TBC1D5: variants seen among roughly 807,000 people sequenced by gnomAD.
The protein encoded by TBC1D5 is TBC1 domain family member 5.
Under a neutral mutation model 100.3 loss-of-function variants are expected in TBC1D5, and 75 were observed. The ratio of observed to expected loss-of-function variants is 0.75; its 90% confidence interval spans 0.62 to 0.91. The LOEUF is 0.91. Ranked by LOEUF, TBC1D5 falls within the 40% of genes least tolerant of loss-of-function variation. TBC1D5 has a pLI of 0.00. For synonymous variants in TBC1D5, 323 were observed against 325.6 expected (o/e 0.99, Z 0.09); for missense variants, 910 against 942.4 (o/e 0.97, Z 0.45).
At chr3:17,692,059 A>C (rs1332564316) in intron 1 of TBC1D5, among the ~76,000 whole-genome samples, 1 of 152,222 alleles carries the variant, frequency 6.6e-6, no homozygotes, top group African/African-American at 2.4e-5. Flanking sequence ...TATCTATATA[A>C]AACATAAAAC....
At chr3:17,705,953 C>G in intron 1 of TBC1D5, 1 of 1,312,342 alleles carries the variant, frequency 7.6e-7, no homozygotes, top group Non-Finnish European at 1.0e-6. Context: ...CCGCTGCCTC[C>G]CGGGCGGCGC....
At chr3:17,460,436 G>A (rs1429774671) in intron 3 of TBC1D5, among the ~76,000 whole-genome samples, 4 of 152,140 alleles carry the variant, frequency 2.6e-5, no homozygotes, top group Non-Finnish European at 4.4e-5. Context: ...TGGTTATTAC[G>A]AATATTTACT....
chr3:17,577,658 T>A (rs963135069), intron 2 of TBC1D5, among the ~76,000 whole-genome samples: 1 of 151,970 alleles, frequency 6.6e-6, no homozygotes, highest in Non-Finnish European at 1.5e-5. Context: ...GGTTATTATA[T>A]TCACTACCCT....
chr3:17,293,591 A>C (rs1458427578), intron 14 of TBC1D5, among the ~76,000 whole-genome samples: 1 of 152,232 alleles, frequency 6.6e-6, no homozygotes, highest in Non-Finnish European at 1.5e-5. Context: ...TGTGAGCTTA[A>C]GTTTAGTCAC....
At chr3:17,487,893 C>T (rs1228383247) in intron 3 of TBC1D5, among the ~76,000 whole-genome samples, 1 of 152,094 alleles carries the variant, frequency 6.6e-6, no homozygotes, top group Non-Finnish European at 1.5e-5. Context: ...AGAGTTCATA[C>T]CTACTCTACC....
intron 16 of TBC1D5, among the ~76,000 whole-genome samples, chr3:17,241,884 C>T (rs1396801012): frequency 1.3e-5 from 2 of 152,012 alleles, no homozygotes; most frequent in African/African-American, 4.8e-5. Flanking sequence ...CCAAAAAAAC[C>T]CCAAATTATC....
intron 9 of TBC1D5, among the ~76,000 whole-genome samples, chr3:17,379,081 T>C (rs1162650413): frequency 1.3e-5 from 2 of 151,644 alleles, no homozygotes; most frequent in African/African-American, 2.4e-5. Context: ...TAATATTTCC[T>C]ATTTTCTGCT....
intron 17 of TBC1D5, among the ~76,000 whole-genome samples, chr3:17,219,863 T>C (rs1344785494): frequency 6.6e-6 from 1 of 152,114 alleles, no homozygotes; most frequent in African/African-American, 2.4e-5. Flanking sequence ...AAAAAGTTTA[T>C]TTTGATCATT....
intron 1 of TBC1D5, among the ~76,000 whole-genome samples, chr3:17,726,262 CTATTT>C (rs2076122144): frequency 1.3e-5 from 2 of 152,188 alleles, no homozygotes; most frequent in Non-Finnish European, 1.5e-5. Context: ...AATGATACTT[CTATTT>C]TAAGTTGAGA....
At chr3:17,471,503 A>G (rs987896557) in intron 3 of TBC1D5, among the ~76,000 whole-genome samples, 1 of 152,056 alleles carries the variant, frequency 6.6e-6, no homozygotes, top group African/African-American at 2.4e-5. Flanking sequence ...TGGTATTTGT[A>G]AAAGATGTAG....
At chr3:17,470,952 C>G (rs1040346034) in intron 3 of TBC1D5, among the ~76,000 whole-genome samples, 94 of 152,202 alleles carry the variant, frequency 6.2e-4, no homozygotes, top group African/African-American at 2.2e-3. Context: ...ACATGAACTT[C>G]TGCAAGGAAA....
intron 1 of TBC1D5, among the ~76,000 whole-genome samples, chr3:17,649,672 G>C (rs890502641): frequency 6.6e-6 from 1 of 152,096 alleles, no homozygotes; most frequent in South Asian, 2.1e-4. Flanking sequence ...TGGAGAAATA[G>C]GAACGCTTTT....
rs114061240 is a variant in TBC1D5, at chr3:17,444,926, T to C, written c.98-16407A>G. ...ACCCATCATCAGTAAGTAAATGTAT[T>C]CCTACAGCTACTAACCATACAGCAT... On this transcript the variant is annotated intron_variant, in intron 3 of 21. Transcript: ENST00000253692. Among the ~76,000 whole-genome samples the C allele has an allele frequency of 2.0e-3, 298 of 152,314 alleles. 1 individual carries two copies. Among genetic ancestry groups the C allele is most frequent in the African/African-American group, 6.5e-3 (269 of 41,586 alleles).
chr3:17,411,862 T>TAC (rs1448866913), intron 4 of TBC1D5, among the ~76,000 whole-genome samples: 4 of 152,168 alleles, frequency 2.6e-5, no homozygotes, highest in African/African-American at 9.6e-5. Context: ...CATTTAAATT[T>TAC]ATTCATGGGT....
chr3:17,375,660 C>T (rs2092679988), intron 10 of TBC1D5, among the ~76,000 whole-genome samples: 1 of 150,958 alleles, frequency 6.6e-6, no homozygotes, highest in African/African-American at 2.4e-5. Context: ...TATGGTTATA[C>T]TATTGTCAAG....
At chr3:17,216,869 AC>A (rs1559427737) in intron 17 of TBC1D5, among the ~76,000 whole-genome samples, 1 of 152,150 alleles carries the variant, frequency 6.6e-6, no homozygotes, top group Non-Finnish European at 1.5e-5. Context: ...TGAAAACAAC[AC>A]TTTGAGATAT....
At chr3:17,311,630 C>T (rs1036836959) in intron 13 of TBC1D5, among the ~76,000 whole-genome samples, 1 of 152,024 alleles carries the variant, frequency 6.6e-6, no homozygotes, top group Non-Finnish European at 1.5e-5. Flanking sequence ...ATAAACATAG[C>T]CTTAATCCAA....
intron 3 of TBC1D5, among the ~76,000 whole-genome samples, chr3:17,496,235 T>C (rs1367580138): frequency 2.6e-5 from 4 of 152,230 alleles, no homozygotes; most frequent in African/African-American, 9.6e-5. Context: ...ACATTGACAT[T>C]GTTAAAGTAA....
At chr3:17,372,199 A>T (rs1435915452) in exon 13 of TBC1D5, 1 of 1,613,656 alleles carries the variant, frequency 6.2e-7, no homozygotes. Flanking sequence ...GTTGGCCCTA[A>T]ATCTTGTGGT....
Sources: allele counts gnomAD v4.1 joint callset (sites outside exome capture counted in the v4.1 genomes callset), GRCh38; gene constraint gnomAD v4.1.1; transcripts MANE v1.5; gene names NCBI Gene and HGNC (gene_info 2026-07-23, HGNC 2026-07-21).